Variants in C10orf71 observed in about 807,000 individuals in gnomAD.
C10orf71 encodes cardiac-enriched FHL2-interacting protein.
For missense variants in C10orf71, 1,869 were observed against 1,804.5 expected, an observed-to-expected ratio of 1.04 and a Z score of -0.65; for synonymous variants, 758 against 726.3, an observed-to-expected ratio of 1.04 and a Z score of -0.70.
Position 49,323,193 on chromosome 10 carries a change from C to T in C10orf71, c.648C>T (p.His216=), listed in dbSNP as rs200314910. 1.3e-4 allele frequency: 215 copies of T among 1,613,860 alleles called. 2 individuals carry two copies. The Middle Eastern group carries it at 2.8e-3, about 21-fold the overall frequency. ...HQNSYQPGRK[H]GEQESSKNPE... Reference sequence around the variant, plus strand: ...ACAGCTACCAGCCAGGCAGGAAGCACGGAGAACAGGAGTCCTCCAAGAATC... The same window carrying T: ...ACAGCTACCAGCCAGGCAGGAAGCATGGAGAACAGGAGTCCTCCAAGAATC... Residue 216 remains histidine (H), a synonymous_variant, in exon 3 of 3, where the codon CAC becomes CAT. Transcript: ENST00000374144.
At chr10:49,300,036 A>G (rs1332718951) in intron 1 of C10orf71, among the ~76,000 whole-genome samples, 2 of 152,120 alleles carry the variant, frequency 1.3e-5, no homozygotes, top group Non-Finnish European at 2.9e-5. Context: ...TACCTCTTTT[A>G]TTTTCTGGTG....
chr10:49,322,771 CA>C lies in C10orf71; in HGVS notation c.227del (p.Gln76ArgfsTer58). ...TCACCAGAGAACAGTGGGCCACACC[CA>C]GAGGAAAAGTGGCATTTGGAGCCAG... is the stretch of plus-strand genomic sequence containing the variant. ...TFHQRTVGHT[Q>X]RKSGIWSQLP... On this transcript the variant is annotated frameshift_variant, in exon 3 of 3. Transcript: ENST00000374144. LOFTEE classifies it low-confidence loss of function (END_TRUNC). The C allele has an allele frequency of 6.2e-7, 1 of 1,613,662 alleles. No individual in the cohort carries two copies. The highest frequency in any genetic ancestry group is 1.6e-4 in the Middle Eastern group (1 of 6,062).
At position 49,325,506 on chromosome 10, in the gene C10orf71, C is replaced by G; in HGVS notation, c.2961C>G (p.Ser987Arg). ...APGLVASNCK[S>R]GSADSGKLAA... ...GCCTCGTGGCAAGCAATTGCAAGAG[C>G]GGTTCTGCAGACTCAGGGAAGCTGG... The change falls in exon 3 of 3, where the codon AGC becomes AGG. Residue 987 changes from serine to arginine, a missense_variant. Physicochemically the swap from Ser to Arg is moderately radical, Grantham distance 110. Coordinates refer to ENST00000374144, the MANE Select transcript of C10orf71 (RefSeq NM_001135196.2). 6.4e-7 allele frequency: 1 copy of G among 1,550,468 alleles called. No individual in the cohort carries two copies. Among genetic ancestry groups the G allele is most frequent in the Non-Finnish European group, 8.7e-7 (1 of 1,146,196 alleles).
Position 49,326,231 on chromosome 10 carries a change from G to A in C10orf71, c.3686G>A (p.Arg1229Gln), listed in dbSNP as rs894193795. Residue 1229 changes from arginine to glutamine, a missense_variant, in exon 3 of 3, where the codon CGA becomes CAA. Coordinates refer to ENST00000374144, the MANE Select transcript of C10orf71 (RefSeq NM_001135196.2). ...QRPLCPRERP[R>Q]HNFPVVRSLP... ...CCGCTGTGCCCCAGAGAGAGGCCCC[G>A]ACACAATTTCCCCGTGGTCCGTTCC... is the stretch of plus-strand genomic sequence containing the variant. 8.4e-6 allele frequency: 13 copies of A among 1,550,648 alleles called. No individual in the cohort carries two copies. The highest frequency in any genetic ancestry group is 2.4e-5 in the East Asian group (1 of 40,904).
Position 49,323,319 on chromosome 10 carries a change from C to T in C10orf71, c.774C>T (p.Val258=). Residue 258 remains valine, a synonymous_variant, in exon 3 of 3, where the codon GTC becomes GTT. Coordinates refer to ENST00000374144, the MANE Select transcript of C10orf71 (RefSeq NM_001135196.2). ...TCCCCTCTCCACACCACAAGCCAGT[C>T]ACGGGTGAGCCTGGGAGAGGCAAAG... ...SKFPSPHHKP[V]TGEPGRGKGT... 1.9e-6 allele frequency: 3 copies of T among 1,613,906 alleles called. No individual in the cohort carries two copies. Among genetic ancestry groups the T allele is most frequent in the Non-Finnish European group, 2.5e-6 (3 of 1,179,844 alleles).
rs546884682 is a variant in C10orf71 at position 49,325,920 on chromosome 10, C to G, written c.3375C>G (p.Pro1125=). The change falls in exon 3 of 3, where the codon CCC becomes CCG. Residue 1125 remains proline (P), a synonymous_variant. Coordinates refer to ENST00000374144, the MANE Select transcript of C10orf71 (RefSeq NM_001135196.2). ...TCGTGTGGGAGGGCGGCTCTGACCC[C>G]CTACTTGAGCTGTCGGCAGAAGACC... ...HALVWEGGSD[P]LLELSAEDLR... 7 of 1,551,028 alleles carry G rather than the reference C, an allele frequency of 4.5e-6. No homozygotes were observed. Among genetic ancestry groups the G allele is most frequent in the East Asian group, 2.4e-5 (1 of 40,884 alleles).
intron 1 of C10orf71, among the ~76,000 whole-genome samples, chr10:49,311,236 T>C (rs962498406): frequency 2.6e-5 from 4 of 152,208 alleles, no homozygotes; most frequent in African/African-American, 4.8e-5. Context: ...TCCTCAGTTA[T>C]GTGGGGGACA....
At position 49,327,074 on chromosome 10, in the gene C10orf71, CTGCT is replaced by C. The variant is rs989622808; in HGVS notation, c.*228_*231del. On this transcript the variant is annotated 3_prime_UTR_variant, in exon 3 of 3. Transcript: ENST00000374144. ...CTGGCTCTCCTCTGATGGAGGGGCACTGCTTGCTTGGCCCGGTCCCCTCCGTGCC... is the reference window on the plus strand; with the variant it reads ...CTGGCTCTCCTCTGATGGAGGGGCACTGCTTGGCCCGGTCCCCTCCGTGCC... The C allele has an allele frequency of 6.7e-7, 1 of 1,499,746 alleles. No homozygotes were observed. The highest frequency in any genetic ancestry group is 1.4e-5 in the African/African-American group (1 of 72,594). 92.9% of individuals were successfully genotyped at this position (1,499,746 alleles called of 1,614,324 possible).
intron 1 of C10orf71, among the ~76,000 whole-genome samples, chr10:49,302,369 G>A (rs954655224): frequency 6.6e-6 from 1 of 152,222 alleles, no homozygotes; most frequent in African/African-American, 2.4e-5. Flanking sequence ...GCCGAAGACT[G>A]CAGAGGTCAA....
chr10:49,311,387 A>G (rs571815201), intron 1 of C10orf71, among the ~76,000 whole-genome samples: 135 of 152,340 alleles, frequency 8.9e-4, no homozygotes, highest in African/African-American at 3.2e-3. Flanking sequence ...GTTGGCTGCC[A>G]GCCAGGAGCC....
At position 49,326,096 on chromosome 10, in the gene C10orf71, C is replaced by T. The variant is rs1326934154; in HGVS notation, c.3551C>T (p.Ala1184Val). ...AAAACAGAGAAAGCCCTGCGGCGGG[C>T]AAAGAAGCTGGCAAGTAAGAGGAGG... ...PPKTEKALRR[A>V]KKLASKRRKT... The change falls in exon 3 of 3, where the codon GCA becomes GTA. Residue 1184 changes from alanine to valine, a missense_variant. Coordinates refer to ENST00000374144, the MANE Select transcript of C10orf71 (RefSeq NM_001135196.2). The T allele has an allele frequency of 6.4e-7, 1 of 1,551,680 alleles. No homozygotes were observed. Among genetic ancestry groups the T allele is most frequent in the Non-Finnish European group, 8.7e-7 (1 of 1,146,980 alleles).
chr10:49,306,083 G>A (rs1230014107), intron 1 of C10orf71, among the ~76,000 whole-genome samples: 4 of 152,262 alleles, frequency 2.6e-5, no homozygotes, highest in African/African-American at 9.6e-5. Flanking sequence ...AGAGGAGGAT[G>A]TGTATGCCAT....
At position 49,325,266 on chromosome 10, in the gene C10orf71, C is replaced by T. The variant is rs1443936640; in HGVS notation, c.2721C>T (p.Ala907=). Residue 907 remains alanine, a synonymous_variant, in exon 3 of 3, where the codon GCC becomes GCT. Transcript: ENST00000374144. ...GGGGTGAGGATCCTGGGTTTTGTGCCCCCGAAAACCAGGACATTCTTGGTA... is the reference window on the plus strand; with the variant it reads ...GGGGTGAGGATCCTGGGTTTTGTGCTCCCGAAAACCAGGACATTCTTGGTA... The part of the protein sequence containing the change: ...PEWGEDPGFC[A]PENQDILGTS... The T allele has an allele frequency of 5.8e-6, 9 of 1,551,598 alleles. No homozygotes were observed. The East Asian group carries it at 1.5e-4, about 25-fold the overall frequency.
Position 49,326,683 on chromosome 10 carries a change from T to C in C10orf71, c.4138T>C (p.Ser1380Pro), listed in dbSNP as rs1450362971. Reference protein sequence around the residue: ...ARARTQSVHESGLQLDPGPHG... With the variant: ...ARARTQSVHEPGLQLDPGPHG... Reference sequence around the variant, plus strand: ...CGCCAGGACCCAGAGTGTCCACGAGTCTGGACTACAGCTGGACCCAGGGCC... The same window carrying C: ...CGCCAGGACCCAGAGTGTCCACGAGCCTGGACTACAGCTGGACCCAGGGCC... The change falls in exon 3 of 3, where the codon TCT becomes CCT. Residue 1380 changes from serine to proline, a missense_variant. Transcript: ENST00000374144. 2 of 1,550,700 alleles carry C rather than the reference T, an allele frequency of 1.3e-6. No individual in the cohort carries two copies. Among genetic ancestry groups the C allele is most frequent in the East Asian group, 4.9e-5 (2 of 40,882 alleles).
In C10orf71 at chr10:49,324,926, G is replaced by A. The variant is rs372978439; in HGVS notation, c.2381G>A (p.Arg794His). The change falls in exon 3 of 3, where the codon CGC becomes CAC. Residue 794 changes from arginine to histidine, a missense_variant. Transcript: ENST00000374144. ...LSNGHACLEN[R>H]SQGEALQRER... ...AATGGGCACGCATGCCTGGAAAACC[G>A]CAGCCAGGGGGAAGCATTGCAAAGA... 1.7e-5 allele frequency: 27 copies of A among 1,550,642 alleles called. No individual in the cohort carries two copies. Among genetic ancestry groups the A allele is most frequent in the East Asian group, 1.7e-4 (7 of 40,898 alleles).
chr10:49,320,440 G>A lies in C10orf71; in HGVS notation c.-144-1962G>A, dbSNP rs368730123. On this transcript the variant is annotated intron_variant, in intron 2 of 2. Coordinates refer to ENST00000374144, the MANE Select transcript of C10orf71 (RefSeq NM_001135196.2). Reference sequence around the variant, plus strand: ...AGACTCTGGGGAGCATATCCTCTTAGGGTGGTTCTGGGATGAGGGGCAATC... The same window carrying A: ...AGACTCTGGGGAGCATATCCTCTTAAGGTGGTTCTGGGATGAGGGGCAATC... 2.2e-4 allele frequency among the ~76,000 whole-genome samples: 34 copies of A among 152,332 alleles called. No individual in the cohort carries two copies. In the East Asian group the frequency reaches 4.1e-3, roughly 18 times the overall value.
At chr10:49,319,501 C>A (rs1017211580) in intron 2 of C10orf71, among the ~76,000 whole-genome samples, 1 of 151,916 alleles carries the variant, frequency 6.6e-6, no homozygotes, top group East Asian at 1.9e-4. Context: ...TATAATCCAG[C>A]AATTCCACTT....
chr10:49,325,487 T>C lies in C10orf71; in HGVS notation c.2942T>C (p.Val981Ala). ...CCACCAGATGCTGCACCTGGCCTCG[T>C]GGCAAGCAATTGCAAGAGCGGTTCT... Reference protein sequence around the residue: ...KAPPDAAPGLVASNCKSGSAD... With the variant: ...KAPPDAAPGLAASNCKSGSAD... Residue 981 changes from valine to alanine, a missense_variant, in exon 3 of 3, where the codon GTG becomes GCG. Physicochemically the swap from Val to Ala is moderately conservative, Grantham distance 64 (BLOSUM62 0). Transcript: ENST00000374144. 1 of 1,550,648 alleles carries C rather than the reference T, an allele frequency of 6.4e-7. No individual in the cohort carries two copies.
chr10:49,325,080 ATCT>A lies in C10orf71; in HGVS notation c.2539_2541del (p.Ser847del), dbSNP rs993002657. On this transcript the variant is annotated inframe_deletion, in exon 3 of 3. Coordinates refer to ENST00000374144, the MANE Select transcript of C10orf71 (RefSeq NM_001135196.2). The stretch of plus-strand genomic sequence containing the variant: ...AGGCCAAAGACCTTACTCCCTCACC[ATCT>A]TCTGCTTCAAACAGGCACATGCTGT... 12 of 1,551,736 alleles carry A rather than the reference ATCT, an allele frequency of 7.7e-6. No homozygotes were observed. The African/African-American group carries it at 1.6e-4, about 21-fold the overall frequency.
Sources: allele counts gnomAD v4.1 joint callset (sites outside exome capture counted in the v4.1 genomes callset), GRCh38; gene constraint gnomAD v4.1.1; transcripts MANE v1.5; gene names NCBI Gene and HGNC (gene_info 2026-07-23, HGNC 2026-07-21).